Variants in BMI1 observed in about 807,000 individuals in gnomAD.
The protein encoded by BMI1 is BMI1 proto-oncogene, polycomb ring finger.
A neutral mutation model predicts 39.1 loss-of-function variants in BMI1; 9 were observed. The ratio of observed to expected loss-of-function variants is 0.23; its 90% CI spans 0.14 to 0.40. The LOEUF is 0.40. Among genes scored for constraint, BMI1 ranks in the 10% least tolerant of loss-of-function variants. BMI1 has a pLI of 1.00. For synonymous variants in BMI1, 131 were observed against 127.9 expected (o/e 1.02, Z -0.16); for missense variants, 252 against 390.8 (o/e 0.64, Z 2.99).
rs1352823265 is a variant in BMI1 at position 22,321,713 on chromosome 10, G to A, written c.-20+17G>A. 1.3e-5 allele frequency: 2 copies of A among 150,618 alleles called. No individual in the cohort carries two copies. Among genetic ancestry groups the A allele is most frequent in the East Asian group, 3.9e-4 (2 of 5,114 alleles). The allele number at this position is 150,618 out of a possible 1,614,324, so 9.3% of individuals were successfully genotyped here. A position where few individuals can be genotyped will look rare whatever the true frequency, so the allele number is the denominator to read the frequency against. ...TCTTTCCGGGTACGTAGGAGGCGAG[G>A]CGCCCCCGGGACGGGGCTGGGGGCC... On this transcript the variant is annotated intron_variant, in intron 1 of 9. Transcript: ENST00000376663.
At chr10:22,324,771 A>T (rs1698056889) in intron 1 of BMI1, among the ~76,000 whole-genome samples, 1 of 152,266 alleles carries the variant, frequency 6.6e-6, no homozygotes, top group South Asian at 2.1e-4. Context: ...GCTTAGTCTT[A>T]TATCAGGTTC....
Position 22,321,186 on chromosome 10 carries a change from G to GC in BMI1, c.-524dup, listed in dbSNP as rs1419859424. 3.6e-5 allele frequency: 5 copies of GC among 139,778 alleles called. No homozygotes were observed. Among genetic ancestry groups the GC allele is most frequent in the African/African-American group, 7.9e-5 (3 of 37,988 alleles). The allele number at this position is 139,778 out of a possible 1,614,324, so 8.7% of individuals were successfully genotyped here. ...CCCCGCTCGCACGCACACACACGGC[G>GC]CCCCCCGCCCGCCCGCCTCCCCCAC... is the stretch of plus-strand genomic sequence containing the variant. On this transcript the variant is annotated 5_prime_UTR_variant, in exon 1 of 10. Transcript: ENST00000376663.
At chr10:22,327,135 C>T in intron 3 of BMI1, 149 bp downstream of exon 3, 9 of 925,702 alleles carry the variant, frequency 9.7e-6, no homozygotes, top group South Asian at 1.8e-5. Context: ...CGTTTAATTT[C>T]TTGCCATATT....
chr10:22,321,951 G>A (rs1260967210), intron 1 of BMI1, among the ~76,000 whole-genome samples: 1 of 144,838 alleles, frequency 6.9e-6, no homozygotes, highest in African/African-American at 2.5e-5. Context: ...CGCCGGGACC[G>A]ACCCGCAGCC....
Position 22,329,649 on chromosome 10 carries a change from G to T in BMI1, c.*107G>T. The T allele has an allele frequency of 7.4e-7, 1 of 1,350,426 alleles. No individual in the cohort carries two copies. 83.7% of individuals were successfully genotyped at this position (1,350,426 alleles called of 1,614,324 possible). A position where few individuals can be genotyped will look rare whatever the true frequency, so the allele number is the denominator to read the frequency against. ...AATACATGTGACTATCGTCCAATTT[G>T]CTTTCTTTTGTAGTGACATTAAATT... On this transcript the variant is annotated 3_prime_UTR_variant, in exon 10 of 10. Coordinates refer to ENST00000376663, the MANE Select transcript of BMI1 (RefSeq NM_005180.9).
chr10:22,325,169 A>G (rs1374761960), intron 1 of BMI1, among the ~76,000 whole-genome samples: 1 of 152,210 alleles, frequency 6.6e-6, no homozygotes, highest in Non-Finnish European at 1.5e-5. Context: ...AAAACTTTGT[A>G]TCGCTCATTT....
At position 22,330,239 on chromosome 10, in the gene BMI1, T is replaced by A; in HGVS notation, c.*697T>A. ...TTATGCTTGTTGTACAATGCCATAT[T>A]GGTATATGACATAACAGGAAACAGT... On this transcript the variant is annotated 3_prime_UTR_variant, in exon 10 of 10. Transcript: ENST00000376663. 1 of 152,750 alleles carries A rather than the reference T, an allele frequency of 6.5e-6. No homozygotes were observed. The highest frequency in any genetic ancestry group is 1.9e-4 in the East Asian group (1 of 5,196). 9.5% of individuals were successfully genotyped at this position (152,750 alleles called of 1,614,324 possible).
At chr10:22,328,258 A>G (rs901921457) in intron 7 of BMI1, 79 bp downstream of exon 7, 41 of 1,484,882 alleles carry the variant, frequency 2.8e-5, no homozygotes, top group Non-Finnish European at 3.6e-5. Flanking sequence ...GTTGCCCTTT[A>G]GAATATTAGG....
chr10:22,327,493 TC>T, intron 3 of BMI1, 101 bp from the exon 4 acceptor site: 1 of 1,211,468 alleles, frequency 8.3e-7, no homozygotes, highest in African/African-American at 1.5e-5. Flanking sequence ...AGCATCACAA[TC>T]AAGTAAAATA....
In BMI1 at chr10:22,329,458, C is replaced by T; in HGVS notation, c.897C>T (p.Ser299=). Residue 299 remains serine (S), a synonymous_variant, in exon 10 of 10, where the codon AGC becomes AGT. Transcript: ENST00000376663. ...GTACTATGAATGGAACCAGCAACAG[C>T]CCCAGCGGTAACCACCAATCTTCTT... ...ISSTMNGTSN[S]PSGNHQSSFA... is the part of the protein sequence containing the mutation. The T allele has an allele frequency of 6.2e-7, 1 of 1,614,200 alleles. No individual in the cohort carries two copies. The highest frequency in any genetic ancestry group is 8.5e-7 in the Non-Finnish European group (1 of 1,180,036).
At chr10:22,321,896 C>G (rs1836010436) in intron 1 of BMI1, among the ~76,000 whole-genome samples, 200 bp downstream of exon 1, 1 of 144,534 alleles carries the variant, frequency 6.9e-6, no homozygotes, top group Non-Finnish European at 1.5e-5. Context: ...CCGCCCTCCC[C>G]GCGCCCGCGA....
intron 1 of BMI1, chr10:22,326,113 G>A (rs1422635841): frequency 9.7e-6 from 2 of 206,654 alleles, no homozygotes; most frequent in East Asian, 2.7e-4. Flanking sequence ...GTCTGCAGCA[G>A]CCTTGGGGCT....
At chr10:22,324,773 A>G (rs1025495612) in intron 1 of BMI1, among the ~76,000 whole-genome samples, 1 of 152,262 alleles carries the variant, frequency 6.6e-6, no homozygotes, top group African/African-American at 2.4e-5. Flanking sequence ...TTAGTCTTAT[A>G]TCAGGTTCTG....
Position 22,329,635 on chromosome 10 carries a change from CTA to C in BMI1, c.*95_*96del, listed in dbSNP as rs1836241073. On this transcript the variant is annotated 3_prime_UTR_variant, in exon 10 of 10. Coordinates refer to ENST00000376663, the MANE Select transcript of BMI1 (RefSeq NM_005180.9). ...GCTTTCTAGATGCTAATACATGTGA[CTA>C]TCGTCCAATTTGCTTTCTTTTGTAG... 1.1e-5 allele frequency: 16 copies of C among 1,420,244 alleles called. No homozygotes were observed. The highest frequency in any genetic ancestry group is 1.3e-5 in the Non-Finnish European group (14 of 1,062,470). The allele number at this position is 1,420,244 out of a possible 1,614,324, so 88.0% of individuals were successfully genotyped here.
intron 8 of BMI1, 73 bp from the exon 9 acceptor site, chr10:22,328,975 A>T (rs1170336161): frequency 1.4e-6 from 2 of 1,431,272 alleles, no homozygotes; most frequent in East Asian, 4.6e-5. Context: ...GCACTTTTGG[A>T]TTATATTTAA....
rs1411108614 is a variant in BMI1 at position 22,330,016 on chromosome 10, G to C, written c.*474G>C. 2.6e-5 allele frequency: 4 copies of C among 154,530 alleles called. No homozygotes were observed. Among genetic ancestry groups the C allele is most frequent in the Admixed American group, 1.3e-4 (2 of 15,586 alleles). The allele number at this position is 154,530 out of a possible 1,614,324, so 9.6% of individuals were successfully genotyped here. A position where few individuals can be genotyped will look rare whatever the true frequency, so the allele number is the denominator to read the frequency against. Reference sequence around the variant, plus strand: ...TGCATAGAATAATGCATTCTATGTAGCCATGTCACTGTGAATAACGATTTC... The same window carrying C: ...TGCATAGAATAATGCATTCTATGTACCCATGTCACTGTGAATAACGATTTC... On this transcript the variant is annotated 3_prime_UTR_variant, in exon 10 of 10. Transcript: ENST00000376663.
At position 22,330,080 on chromosome 10, in the gene BMI1, C is replaced by T. The variant is rs1236692629; in HGVS notation, c.*538C>T. On this transcript the variant is annotated 3_prime_UTR_variant, in exon 10 of 10. Transcript: ENST00000376663. Reference sequence around the variant, plus strand: ...CATTTTGATTCCTGTTTGATTTATACTTCTCTGTTGCTACGCAAAACCGAT... The same window carrying T: ...CATTTTGATTCCTGTTTGATTTATATTTCTCTGTTGCTACGCAAAACCGAT... 1 of 153,408 alleles carries T rather than the reference C, an allele frequency of 6.5e-6. No individual in the cohort carries two copies. Among genetic ancestry groups the T allele is most frequent in the Non-Finnish European group, 1.5e-5 (1 of 68,652 alleles). 9.5% of individuals were successfully genotyped at this position (153,408 alleles called of 1,614,324 possible).
chr10:22,322,633 T>C lies in BMI1; in HGVS notation c.-20+937T>C, dbSNP rs537945261. ...TGCTGGAGGCTTGCTTTCTCACTAC[T>C]TCTTTTTCTCCTTTTTCTTTTTTCC... On this transcript the variant is annotated intron_variant, in intron 1 of 9. Coordinates refer to ENST00000376663, the MANE Select transcript of BMI1 (RefSeq NM_005180.9). Among the ~76,000 whole-genome samples the C allele has an allele frequency of 3.3e-5, 5 of 152,326 alleles. No individual in the cohort carries two copies. In the East Asian group the frequency reaches 9.6e-4, roughly 29 times the overall value.
At chr10:22,328,513 G>C in intron 7 of BMI1, 87 bp from the exon 8 acceptor site, 1 of 1,407,118 alleles carries the variant, frequency 7.1e-7, no homozygotes, top group Non-Finnish European at 9.5e-7. Flanking sequence ...TTTGATACTA[G>C]TATCTTTTAT....
Sources: gnomAD v4.1 joint callset for allele counts (sites outside exome capture counted in the v4.1 genomes callset) on GRCh38, gnomAD v4.1.1 for gene constraint, MANE v1.5 for transcripts, NCBI Gene and HGNC (gene_info 2026-07-23, HGNC 2026-07-21) for gene names.